ZFR: variants seen among roughly 807,000 people sequenced by gnomAD.
The protein encoded by ZFR is zinc finger RNA-binding protein.
In ZFR, 19 loss-of-function variants were observed where a neutral mutation model predicts 130.7. That is an observed-to-expected ratio of 0.15 (90% CI 0.10 to 0.21). ZFR has a LOEUF of 0.21. Ranked by LOEUF, ZFR falls within the 10% of genes least tolerant of loss-of-function variation. The pLI is 1.00. For synonymous variants in ZFR, 466 were observed against 456.9 expected, an observed-to-expected ratio of 1.02 and a Z score of -0.25; for missense variants, 872 against 1,321.5, an observed-to-expected ratio of 0.66 and a Z score of 5.27.
intron 2 of ZFR, among the ~76,000 whole-genome samples, chr5:32,426,887 A>T (rs974367950): frequency 1.1e-4 from 15 of 141,048 alleles, no homozygotes; most frequent in African/African-American, 4.1e-4. Flanking sequence ...CCTGGATGAC[A>T]AAGAAACACT....
intron 17 of ZFR, among the ~76,000 whole-genome samples, chr5:32,372,052 G>A (rs1310915761): frequency 2.6e-5 from 4 of 152,114 alleles, no homozygotes; most frequent in Non-Finnish European, 5.9e-5. Context: ...CTGAAGGGGT[G>A]GCAATAAAAT....
At chr5:32,444,435 G>A in intron 1 of ZFR, 107 bp from the exon 2 acceptor site, 1 of 1,343,722 alleles carries the variant, frequency 7.4e-7, no homozygotes, top group Non-Finnish European at 9.9e-7. Flanking sequence ...CGTGAGAGCA[G>A]CCCTGGCGGG....
chr5:32,382,436 C>T (rs915889902), intron 15 of ZFR, among the ~76,000 whole-genome samples: 1 of 152,192 alleles, frequency 6.6e-6, no homozygotes, highest in Non-Finnish European at 1.5e-5. Context: ...TTTGCTAAAG[C>T]TAGAATGCAA....
chr5:32,363,895 T>C (rs773736806), intron 19 of ZFR, 53 bp downstream of exon 19: 486 of 1,449,628 alleles, frequency 3.4e-4, no homozygotes, highest in Non-Finnish European at 4.4e-4. Flanking sequence ...AACAGAAAAA[T>C]AAAACCTTAA....
chr5:32,441,579 T>G (rs1754475887), intron 2 of ZFR, among the ~76,000 whole-genome samples: 1 of 152,162 alleles, frequency 6.6e-6, no homozygotes, highest in Admixed American at 6.5e-5. Flanking sequence ...TTCCTGAGTT[T>G]GAGATCTTCA....
At chr5:32,368,379 G>A (rs1054258897) in intron 17 of ZFR, among the ~76,000 whole-genome samples, 2 of 152,228 alleles carry the variant, frequency 1.3e-5, no homozygotes, top group Middle Eastern at 3.2e-3. Flanking sequence ...GGGATTATGG[G>A]CATGAGCCAC....
chr5:32,368,598 G>T (rs1752597755), intron 17 of ZFR, among the ~76,000 whole-genome samples: 1 of 152,054 alleles, frequency 6.6e-6, no homozygotes, highest in East Asian at 1.9e-4. Flanking sequence ...TTTACAATAG[G>T]GCTATTACTA....
chr5:32,356,228 C>T (rs1581672486), intron 19 of ZFR, among the ~76,000 whole-genome samples: 1 of 151,544 alleles, frequency 6.6e-6, no homozygotes, highest in South Asian at 2.1e-4. Context: ...ATCAAAGAAA[C>T]AAGCAGGATG....
intron 10 of ZFR, among the ~76,000 whole-genome samples, chr5:32,395,619 T>TA (rs1354631359): frequency 1.3e-5 from 2 of 152,174 alleles, no homozygotes; most frequent in Admixed American, 6.5e-5. Flanking sequence ...TGAATACACT[T>TA]ACATCTATGC....
At chr5:32,442,586 G>GC (rs2111883539) in intron 2 of ZFR, among the ~76,000 whole-genome samples, 1 of 152,288 alleles carries the variant, frequency 6.6e-6, no homozygotes, top group East Asian at 1.9e-4. Context: ...TGGAATGCAG[G>GC]CCTCATGAAA....
At chr5:32,422,770 A>G (rs1410934805) in intron 2 of ZFR, among the ~76,000 whole-genome samples, 1 of 126,230 alleles carries the variant, frequency 7.9e-6, no homozygotes, top group Non-Finnish European at 1.6e-5. Context: ...ACTGCACTCC[A>G]GCCTGGATGA....
intron 11 of ZFR, among the ~76,000 whole-genome samples, chr5:32,393,577 G>T (rs1392541833): frequency 1.3e-5 from 2 of 152,100 alleles, no homozygotes; most frequent in Non-Finnish European, 2.9e-5. Flanking sequence ...CCCGACCTCA[G>T]GTGATCCACC....
intron 2 of ZFR, among the ~76,000 whole-genome samples, chr5:32,438,412 C>T (rs1754390907): frequency 6.6e-6 from 1 of 151,856 alleles, no homozygotes. Context: ...TACAGGCATG[C>T]ACCACCACGC....
Position 32,400,161 on chromosome 5 carries a change from A to G in ZFR, c.1559T>C (p.Ile520Thr), listed in dbSNP as rs1051489. Residue 520 changes from isoleucine to threonine, a missense_variant, in exon 9 of 20, where the codon ATA becomes ACA. Ile to Thr is a moderately conservative substitution (Grantham distance 89, BLOSUM62 -1). Transcript: ENST00000265069. ...ACTTTTAACACATTCGGTTCCTTTT[A>G]TGTCTTCTGCTTTATTTCCTGTTGA... ...LQSTGNKAED[I>T]KGTECVKSTP... 515,743 of 1,610,410 alleles carry G rather than the reference A, an allele frequency of 0.32. 85,607 individuals carry two copies. Among genetic ancestry groups the G allele is most frequent in the Middle Eastern group, 0.47 (2,850 of 6,048 alleles).
intron 2 of ZFR, among the ~76,000 whole-genome samples, chr5:32,432,902 T>G (rs1754254990): frequency 6.6e-6 from 1 of 151,666 alleles, no homozygotes; most frequent in African/African-American, 2.4e-5. Flanking sequence ...CTAATTGTTT[T>G]TTTTTTTTTT....
In ZFR at chr5:32,356,714, C is replaced by T. The variant is rs148679534; in HGVS notation, c.3046-775G>A. On this transcript the variant is annotated intron_variant, in intron 19 of 19. Transcript: ENST00000265069. ...GATTACAGGCGTGAGCCACTGCGCC[C>T]GGCCTCCAAGTATTTTTATTACTGT... is the stretch of plus-strand genomic sequence containing the variant. Among the ~76,000 whole-genome samples, 180 of 152,246 alleles carry T rather than the reference C, an allele frequency of 1.2e-3. 3 individuals are homozygous for T. In the East Asian group the frequency reaches 0.023, roughly 20 times the overall value.
chr5:32,370,310 GGAGAGAGAGA>G (rs769362722), intron 17 of ZFR, among the ~76,000 whole-genome samples: 1 of 69,856 alleles, frequency 1.4e-5, no homozygotes, highest in Admixed American at 1.7e-4. Flanking sequence ...TGTTGTGGGG[GGAGAGAGAGA>G]GAGAGAGAGA....
At chr5:32,381,024 C>A (rs532088630) in intron 15 of ZFR, among the ~76,000 whole-genome samples, 3 of 151,978 alleles carry the variant, frequency 2.0e-5, no homozygotes, top group African/African-American at 7.2e-5. Flanking sequence ...GTATGAAATG[C>A]CCTTTAAAAT....
intron 5 of ZFR, among the ~76,000 whole-genome samples, chr5:32,413,588 G>A (rs538800430): frequency 6.6e-6 from 1 of 152,072 alleles, no homozygotes; most frequent in African/African-American, 2.4e-5. Context: ...GAAAGAGAAA[G>A]GAAAGGAAGC....
Sources: allele counts gnomAD v4.1 joint callset (sites outside exome capture counted in the v4.1 genomes callset), GRCh38; gene constraint gnomAD v4.1.1; transcripts MANE v1.5; gene names NCBI Gene and HGNC (gene_info 2026-07-23, HGNC 2026-07-21).